ZMIZ1: variants seen among roughly 807,000 people sequenced by gnomAD.
ZMIZ1 encodes zinc finger MIZ domain-containing protein 1.
In ZMIZ1, 17 loss-of-function variants were observed where a neutral mutation model predicts 113.9. The observed-to-expected ratio is 0.15, with a 90% CI of 0.10 to 0.22. The LOEUF is 0.22. Among genes scored for constraint, ZMIZ1 ranks in the 10% least tolerant of loss-of-function variants. The pLI is 1.00. For missense variants in ZMIZ1, 1,059 were observed against 1,477.8 expected (o/e 0.72, Z 4.65); for synonymous variants, 607 against 603.1 (o/e 1.01, Z -0.09).
intron 7 of ZMIZ1, among the ~76,000 whole-genome samples, chr10:79,246,693 G>A (rs988669931): frequency 9.2e-5 from 14 of 152,118 alleles, no homozygotes; most frequent in African/African-American, 3.4e-4. Context: ...CCCAAGCCTC[G>A]GCTGCAGGAG....
chr10:79,079,814 T>A (rs1258017508), intron 1 of ZMIZ1, among the ~76,000 whole-genome samples: 2 of 152,230 alleles, frequency 1.3e-5, no homozygotes, highest in Admixed American at 1.3e-4. Flanking sequence ...CCAGTCCCTC[T>A]TCTAGGAAGG....
rs908655769 is a variant in ZMIZ1, at chr10:79,069,829, G to A, written c.-337+559G>A. ...TTTTGTAAATGGGAGGTGGGGGCGC[G>A]GTTAAGTTGTTTGTGTGGGAATTGC... On this transcript the variant is annotated intron_variant, in intron 1 of 24. Coordinates refer to ENST00000334512, the MANE Select transcript of ZMIZ1 (RefSeq NM_020338.4). This position sits in a 1 kb window ranked among gnomAD's most constrained non-coding sequence, Gnocchi z 4.6. 2.2e-4 allele frequency among the ~76,000 whole-genome samples: 33 copies of A among 152,048 alleles called. 1 individual carries two copies. Among genetic ancestry groups the A allele is most frequent in the Non-Finnish European group, 1.2e-4 (8 of 68,006 alleles).
chr10:79,099,203 G>T (rs1843271534), intron 1 of ZMIZ1, among the ~76,000 whole-genome samples: 2 of 152,142 alleles, frequency 1.3e-5, no homozygotes, highest in Non-Finnish European at 2.9e-5. Flanking sequence ...ACATTCTGAT[G>T]CAGCTATCAC....
chr10:79,261,913 A>G (rs1851295505), intron 7 of ZMIZ1, among the ~76,000 whole-genome samples: 1 of 152,214 alleles, frequency 6.6e-6, no homozygotes, highest in Admixed American at 6.5e-5. Flanking sequence ...AGATAAAGCC[A>G]GGGCTCCATG....
intron 7 of ZMIZ1, among the ~76,000 whole-genome samples, chr10:79,240,331 G>T (rs1457382061): frequency 6.6e-6 from 1 of 152,224 alleles, no homozygotes; most frequent in East Asian, 1.9e-4. Flanking sequence ...CTTATCAAGG[G>T]GGTGGAGCGG....
intron 1 of ZMIZ1, among the ~76,000 whole-genome samples, chr10:79,114,867 G>GT (rs1167981702): frequency 6.6e-6 from 1 of 152,176 alleles, no homozygotes; most frequent in African/African-American, 2.4e-5. Flanking sequence ...TGGGGTGTGG[G>GT]TGGTGGAGTG....
At chr10:79,112,139 G>T (rs1843771615) in intron 1 of ZMIZ1, among the ~76,000 whole-genome samples, 1 of 152,244 alleles carries the variant, frequency 6.6e-6, no homozygotes, top group Non-Finnish European at 1.5e-5. Context: ...AGATTTGGCA[G>T]TGGGACGTGC....
At chr10:79,304,246 G>A in intron 19 of ZMIZ1, 71 bp downstream of exon 19, 15 of 1,561,496 alleles carry the variant, frequency 9.6e-6, no homozygotes, top group Non-Finnish European at 1.3e-5. Context: ...GGGGTAGGCA[G>A]AGGGGCAACA....
At chr10:79,289,978 A>G (rs1853367336) in intron 9 of ZMIZ1, 89 bp downstream of exon 9, 2 of 1,305,586 alleles carry the variant, frequency 1.5e-6, no homozygotes, top group Non-Finnish European at 2.2e-6. Flanking sequence ...CTTCACCCTC[A>G]CAGGCCTTGC....
At chr10:79,311,268 TCGAGGCCCCGAA>T in intron 24 of ZMIZ1, 84 bp downstream of exon 24, 3 of 918,084 alleles carry the variant, frequency 3.3e-6, no homozygotes, top group Non-Finnish European at 2.9e-6. Context: ...GTGTGAGGGC[TCGAGGCCCCGAA>T]GGGAGGAGGT....
intron 14 of ZMIZ1, 34 bp downstream of exon 14, chr10:79,297,724 AC>A (rs1490693505): frequency 6.3e-7 from 1 of 1,595,286 alleles, no homozygotes; most frequent in South Asian, 1.1e-5. Context: ...ATTCTAAGCC[AC>A]AGGGAGTTGT....
chr10:79,149,835 G>T (rs1845640585), intron 3 of ZMIZ1, among the ~76,000 whole-genome samples: 1 of 152,250 alleles, frequency 6.6e-6, no homozygotes, highest in Non-Finnish European at 1.5e-5. Flanking sequence ...GGAAAGGCAG[G>T]GATTCAATCA....
chr10:79,245,153 G>C (rs1263642059), intron 7 of ZMIZ1, among the ~76,000 whole-genome samples: 2 of 152,170 alleles, frequency 1.3e-5, no homozygotes, highest in African/African-American at 4.8e-5. Flanking sequence ...TTTACACCTC[G>C]CTACATAAGG....
chr10:79,074,851 G>A (rs905205908), intron 1 of ZMIZ1, among the ~76,000 whole-genome samples: 6 of 152,262 alleles, frequency 3.9e-5, no homozygotes, highest in African/African-American at 1.2e-4. Context: ...AGGAAGCCTG[G>A]CCCAGCCTGG....
rs1235094816 is a variant in ZMIZ1, at chr10:79,300,714, C to A, written c.1809-18C>A. The stretch of plus-strand genomic sequence containing the variant: ...CCCCCTGGCAGAGCTGCCCTGAGCA[C>A]CCTCGTTCCCCACCTAGGTCTGACC... On this transcript the variant is annotated intron_variant, in intron 16 of 24. Transcript: ENST00000334512. The A allele has an allele frequency of 1.2e-6, 2 of 1,611,446 alleles. No homozygotes were observed. Among genetic ancestry groups the A allele is most frequent in the Middle Eastern group, 1.8e-4 (1 of 5,420 alleles).
At chr10:79,100,381 G>A (rs746633936) in intron 1 of ZMIZ1, among the ~76,000 whole-genome samples, 8 of 148,724 alleles carry the variant, frequency 5.4e-5, no homozygotes, top group Non-Finnish European at 1.2e-4. Flanking sequence ...CAAGGTGGGA[G>A]AATTGCTAGA....
chr10:79,120,566 A>G (rs146677466), intron 2 of ZMIZ1, among the ~76,000 whole-genome samples: 10 of 152,300 alleles, frequency 6.6e-5, no homozygotes, highest in Admixed American at 1.3e-4. Context: ...GTGACTGACC[A>G]TGGACAAGCC....
At chr10:79,280,913 G>T (rs1438894291) in intron 8 of ZMIZ1, among the ~76,000 whole-genome samples, 1 of 152,218 alleles carries the variant, frequency 6.6e-6, no homozygotes, top group Admixed American at 6.5e-5. Flanking sequence ...ATACCTTGCA[G>T]TTGCCCTCGG....
chr10:79,160,327 G>T (rs1309445065), intron 3 of ZMIZ1, among the ~76,000 whole-genome samples: 1 of 152,230 alleles, frequency 6.6e-6, no homozygotes, highest in Non-Finnish European at 1.5e-5. Flanking sequence ...CATGGCTGGG[G>T]TGGGGACACT....
Sources: allele counts gnomAD v4.1 joint callset (sites outside exome capture counted in the v4.1 genomes callset), GRCh38; gene constraint gnomAD v4.1.1; non-coding constraint Gnocchi (gnomAD v3.1); transcripts MANE v1.5; gene names NCBI Gene and HGNC (gene_info 2026-07-23, HGNC 2026-07-21).